ADGRL3: variants seen among roughly 807,000 people sequenced by gnomAD.
The protein encoded by ADGRL3 is adhesion G protein-coupled receptor L3, also known as calcium-independent alpha-latrotoxin receptor 3.
Under a neutral mutation model 153.5 loss-of-function variants are expected in ADGRL3, and 62 were observed. That is an observed-to-expected ratio of 0.40 (90% CI 0.33 to 0.50). The LOEUF (loss-of-function observed/expected upper bound fraction) is 0.50, where lower values mean the gene tolerates loss of function less well. Ranked by LOEUF, ADGRL3 falls within the 20% of genes least tolerant of loss-of-function variation. ADGRL3 has a pLI of 0.47. For synonymous variants in ADGRL3, 710 were observed against 672.5 expected (o/e 1.06, Z -0.86); for missense variants, 1,641 against 1,859.4 (o/e 0.88, Z 2.16).
At chr4:61,743,048 C>G (rs1227531677) in intron 8 of ADGRL3, among the ~76,000 whole-genome samples, 23 of 150,764 alleles carry the variant, frequency 1.5e-4, no homozygotes, top group Non-Finnish European at 3.1e-4. Flanking sequence ...TGGCTGGGCT[C>G]GGTGGCTCAT....
intron 6 of ADGRL3, among the ~76,000 whole-genome samples, chr4:61,692,419 A>G (rs1452919675): frequency 2.7e-5 from 4 of 148,672 alleles, no homozygotes; most frequent in Non-Finnish European, 5.9e-5. Flanking sequence ...ACTAGTCACC[A>G]TTTAGTCTCT....
intron 9 of ADGRL3, among the ~76,000 whole-genome samples, chr4:61,832,781 T>C (rs899769025): frequency 1.3e-5 from 2 of 151,726 alleles, no homozygotes; most frequent in Admixed American, 1.3e-4. Flanking sequence ...ATCATTGTTT[T>C]TCGCTTTCTT....
At chr4:61,458,575 A>G (rs1198941042) in intron 2 of ADGRL3, among the ~76,000 whole-genome samples, 1 of 151,570 alleles carries the variant, frequency 6.6e-6, no homozygotes, top group Non-Finnish European at 1.5e-5. Context: ...AGCAACAGAA[A>G]TAGGCAAATT....
In ADGRL3 at chr4:61,448,247, G is replaced by A. The variant is rs1451108615; in HGVS notation, c.-173-48874G>A. ...TGTGTATTTATTTAACTTCTTTTAG[G>A]CTTAGGGTATAACAAAATACACTTG... On this transcript the variant is annotated intron_variant, in intron 2 of 26. Coordinates refer to ENST00000683033, the MANE Select transcript of ADGRL3 (RefSeq NM_001387552.1). Among the ~76,000 whole-genome samples, 3 of 151,668 alleles carry A rather than the reference G, an allele frequency of 2.0e-5. No individual in the cohort carries two copies. The East Asian group carries it at 5.8e-4, about 29-fold the overall frequency.
At chr4:61,792,252 C>G (rs2097351943) in intron 8 of ADGRL3, among the ~76,000 whole-genome samples, 1 of 152,038 alleles carries the variant, frequency 6.6e-6, no homozygotes, top group South Asian at 2.1e-4. Context: ...CCTAAATCAT[C>G]TCTTTCAAGT....
chr4:61,714,350 G>A (rs1163732675), intron 6 of ADGRL3, among the ~76,000 whole-genome samples: 3 of 150,484 alleles, frequency 2.0e-5, no homozygotes, highest in African/African-American at 7.3e-5. Context: ...TATTGTTTAT[G>A]TATACTTGAG....
At chr4:61,838,711 T>C (rs540279347) in intron 9 of ADGRL3, among the ~76,000 whole-genome samples, 13 of 152,336 alleles carry the variant, frequency 8.5e-5, no homozygotes, top group African/African-American at 3.1e-4. Context: ...TTTCTCCGGT[T>C]GAAAGTAAAA....
intron 11 of ADGRL3, among the ~76,000 whole-genome samples, chr4:61,897,697 ATTGT>A (rs753792135): frequency 6.6e-6 from 1 of 152,096 alleles, no homozygotes; most frequent in Non-Finnish European, 1.5e-5. Flanking sequence ...TGTTCACAGG[ATTGT>A]TTGTCTATAT....
chr4:62,042,587 TAGG>T (rs751015952), intron 24 of ADGRL3, among the ~76,000 whole-genome samples: 10 of 151,874 alleles, frequency 6.6e-5, no homozygotes, highest in Non-Finnish European at 1.3e-4. Context: ...GGGAGATTAA[TAGG>T]AGATGAGATA....
intron 8 of ADGRL3, among the ~76,000 whole-genome samples, chr4:61,798,998 A>AATATAT (rs2097450361): frequency 1.5e-5 from 1 of 66,224 alleles, no homozygotes; most frequent in Admixed American, 1.8e-4. Flanking sequence ...ATATATAAAC[A>AATATAT]GTATATATAT....
intron 2 of ADGRL3, among the ~76,000 whole-genome samples, chr4:61,433,368 A>ATTTTTT (rs775643745): frequency 5.9e-4 from 79 of 132,782 alleles, no homozygotes; most frequent in Middle Eastern, 4.1e-3. Context: ...TTTTTTTTAA[A>ATTTTTT]AAAAAATCAG....
intron 9 of ADGRL3, among the ~76,000 whole-genome samples, chr4:61,844,870 C>A (rs1456167033): frequency 6.6e-6 from 1 of 151,898 alleles, no homozygotes; most frequent in Non-Finnish European, 1.5e-5. Flanking sequence ...ATTTATGTCT[C>A]TCTAACACTG....
chr4:61,922,695 A>G (rs2098775437), intron 13 of ADGRL3, among the ~76,000 whole-genome samples: 1 of 152,226 alleles, frequency 6.6e-6, no homozygotes, highest in Non-Finnish European at 1.5e-5. Flanking sequence ...AGAAAAGCGT[A>G]GATTTATTCA....
intron 1 of ADGRL3, among the ~76,000 whole-genome samples, chr4:61,374,199 C>G (rs2151793746): frequency 6.6e-6 from 1 of 152,202 alleles, no homozygotes; most frequent in South Asian, 2.1e-4. Context: ...ATTCAAGTGT[C>G]CACTGCAGAT....
intron 1 of ADGRL3, among the ~76,000 whole-genome samples, chr4:61,273,703 T>A (rs1458989189): frequency 6.6e-6 from 1 of 152,206 alleles, no homozygotes. Context: ...GATTTATCAA[T>A]TCACAGCTGC....
At chr4:61,237,899 C>A (rs4301148) in intron 1 of ADGRL3, among the ~76,000 whole-genome samples, 1 of 151,804 alleles carries the variant, frequency 6.6e-6, no homozygotes. Context: ...AATACACTGC[C>A]GGGTAACTTT....
At chr4:61,498,537 G>A (rs2098346742) in intron 3 of ADGRL3, among the ~76,000 whole-genome samples, 1 of 151,780 alleles carries the variant, frequency 6.6e-6, no homozygotes, top group African/African-American at 2.4e-5. Context: ...GTGACAGAAC[G>A]AGACTCTGTC....
At chr4:61,730,964 C>G (rs1342051324) in intron 7 of ADGRL3, among the ~76,000 whole-genome samples, 1 of 151,756 alleles carries the variant, frequency 6.6e-6, no homozygotes, top group Non-Finnish European at 1.5e-5. Flanking sequence ...ATAGCTCTGG[C>G]ATGGTTTCCC....
At chr4:61,662,631 A>G (rs1311735362) in intron 5 of ADGRL3, among the ~76,000 whole-genome samples, 1 of 152,194 alleles carries the variant, frequency 6.6e-6, no homozygotes, top group Non-Finnish European at 1.5e-5. Context: ...ATGGCAGGTT[A>G]ATGGCGGCAG....
Sources: allele counts gnomAD v4.1 joint callset (sites outside exome capture counted in the v4.1 genomes callset), GRCh38; gene constraint gnomAD v4.1.1; transcripts MANE v1.5; gene names NCBI Gene and HGNC (gene_info 2026-07-23, HGNC 2026-07-21).